Variants in MCTP2 observed in about 807,000 individuals in gnomAD.
The protein encoded by MCTP2 is multiple C2 and transmembrane domain containing 2, also known as multiple C2 and transmembrane domain-containing protein 2.
Under a neutral mutation model 111.6 loss-of-function variants are expected in MCTP2, and 132 were observed. That is an observed-to-expected ratio of 1.18 (90% CI 1.03 to 1.37). The LOEUF (loss-of-function observed/expected upper bound fraction) is 1.37. MCTP2 is among the 40% of genes most tolerant of loss of function. The pLI is 0.00. For missense variants in MCTP2, 1,183 were observed against 1,067.9 expected, an observed-to-expected ratio of 1.11 and a Z score of -1.50; for synonymous variants, 395 against 387.7, an observed-to-expected ratio of 1.02 and a Z score of -0.22.
intron 20 of MCTP2, among the ~76,000 whole-genome samples, chr15:94,467,880 A>G (rs960372036): frequency 9.0e-6 from 1 of 110,886 alleles, no homozygotes; most frequent in Non-Finnish European, 2.4e-5. Flanking sequence ...ATACAAATGT[A>G]GAAATTCAAA....
intron 14 of MCTP2, among the ~76,000 whole-genome samples, chr15:94,391,987 G>A (rs889439499): frequency 1.3e-5 from 2 of 152,112 alleles, no homozygotes; most frequent in African/African-American, 4.8e-5. Context: ...ACAAACGGAT[G>A]AACAAAAGTA....
intron 14 of MCTP2, among the ~76,000 whole-genome samples, chr15:94,392,092 C>G (rs1355602346): frequency 6.6e-6 from 1 of 152,146 alleles, no homozygotes; most frequent in African/African-American, 2.4e-5. Context: ...TATTATAAGG[C>G]CAGGCGCGGT....
At chr15:94,263,653 G>T (rs140407881) in intron 1 of MCTP2, among the ~76,000 whole-genome samples, 299 of 152,256 alleles carry the variant, frequency 2.0e-3, no homozygotes, top group African/African-American at 6.9e-3. Context: ...CCAACCAAAA[G>T]CACAAAGAGA....
chr15:94,291,864 A>G (rs1026583084), intron 1 of MCTP2, among the ~76,000 whole-genome samples: 2 of 152,212 alleles, frequency 1.3e-5, no homozygotes, highest in Admixed American at 6.5e-5. Context: ...TTTCTGGGCC[A>G]TATGGTATCT....
chr15:94,320,786 A>G (rs1425791872), intron 4 of MCTP2, among the ~76,000 whole-genome samples: 2 of 152,160 alleles, frequency 1.3e-5, no homozygotes, highest in Non-Finnish European at 2.9e-5. Flanking sequence ...GATTTAATGG[A>G]AGCTTTAATT....
Position 94,481,529 on chromosome 15 carries a change from T to C in MCTP2, c.*2495T>C, listed in dbSNP as rs1347024922. ...GTCACGGCCATGATGCCAGTTACAT[T>C]ATGCCTAGTTAATCTTCATTCAGAC... On this transcript the variant is annotated 3_prime_UTR_variant, in exon 23 of 23. Transcript: ENST00000357742. 6.6e-6 allele frequency: 1 copy of C among 152,348 alleles called. No homozygotes were observed. The highest frequency in any genetic ancestry group is 1.5e-5 in the Non-Finnish European group (1 of 68,122). The allele number at this position is 152,348 out of a possible 1,614,324, so 9.4% of individuals were successfully genotyped here. A position where few individuals can be genotyped will look rare whatever the true frequency, so the allele number is the denominator to read the frequency against.
rs541611215 is a variant in MCTP2 at position 94,449,319 on chromosome 15, A to G, written c.2250+6359A>G. Among the ~76,000 whole-genome samples, 251 of 152,364 alleles carry G rather than the reference A, an allele frequency of 1.6e-3. 1 individual carries two copies. The highest frequency in any genetic ancestry group is 5.8e-3 in the African/African-American group (242 of 41,588). On this transcript the variant is annotated intron_variant, in intron 19 of 22. Coordinates refer to ENST00000357742, the MANE Select transcript of MCTP2 (RefSeq NM_001385001.1). ...TACTCAAAACAAAATATTAAGTTTC[A>G]TAATATGTTCCCTTGTCTACAAATG...
chr15:94,298,469 C>G lies in MCTP2; in HGVS notation c.204C>G (p.Tyr68Ter), dbSNP rs762953743. 16 of 1,614,096 alleles carry G rather than the reference C, an allele frequency of 9.9e-6. No individual in the cohort carries two copies. The South Asian group carries it at 1.4e-4, about 14-fold the overall frequency. The change falls in exon 2 of 23, where the codon TAC becomes TAG. Residue 68 changes from tyrosine to a stop codon, truncating the protein, a stop_gained. Transcript: ENST00000357742. LOFTEE classifies it high-confidence loss of function. ...CCTTGGCCCCAGAGGGCCGGCCTTACTCCGGGCCACAGTCTTCCTACACCT... is the reference window on the plus strand; with the variant it reads ...CCTTGGCCCCAGAGGGCCGGCCTTAGTCCGGGCCACAGTCTTCCTACACCT... ...AEALAPEGRPYSGPQSSYTSV... is the reference protein window; with the variant it reads ...AEALAPEGRP
chr15:94,351,029 A>G (rs1187753280), intron 8 of MCTP2, among the ~76,000 whole-genome samples: 4 of 151,994 alleles, frequency 2.6e-5, no homozygotes, highest in South Asian at 4.1e-4. Context: ...TTGAGTGACA[A>G]TTTTATCTTA....
rs141616814 is a variant in MCTP2, at chr15:94,476,609, T to C, written c.2471-87T>C. Reference sequence around the variant, plus strand: ...GATAGATAGATGATTGACTGACAGATAGATAGATAGATAGATAGATAGATA... The same window carrying C: ...GATAGATAGATGATTGACTGACAGACAGATAGATAGATAGATAGATAGATA... On this transcript the variant is annotated intron_variant, in intron 21 of 22. Coordinates refer to ENST00000357742, the MANE Select transcript of MCTP2 (RefSeq NM_001385001.1). 7.0e-5 allele frequency: 12 copies of C among 171,884 alleles called. 1 individual carries two copies. The highest frequency in any genetic ancestry group is 1.1e-4 in the Non-Finnish European group (10 of 94,528). The allele number at this position is 171,884 out of a possible 1,614,324, so 10.6% of individuals were successfully genotyped here.
At chr15:94,272,405 T>A (rs962028925) in intron 1 of MCTP2, among the ~76,000 whole-genome samples, 2 of 152,088 alleles carry the variant, frequency 1.3e-5, no homozygotes, top group African/African-American at 2.4e-5. Context: ...TTAGCGTGAG[T>A]GTTGCGTCTG....
intron 14 of MCTP2, among the ~76,000 whole-genome samples, chr15:94,394,547 C>T (rs543851650): frequency 1.3e-5 from 2 of 152,048 alleles, no homozygotes; most frequent in Admixed American, 6.6e-5. Flanking sequence ...GGGTGGATCA[C>T]GAGGTCAGGA....
At chr15:94,337,384 G>T (rs749786778) in intron 4 of MCTP2, among the ~76,000 whole-genome samples, 21 of 152,106 alleles carry the variant, frequency 1.4e-4, no homozygotes, top group Non-Finnish European at 2.1e-4. Context: ...CACCACTGAG[G>T]CCTAGTTTTG....
rs150038543 is a variant in MCTP2 at position 94,314,683 on chromosome 15, A to G, written c.528+339A>G. ...ACAGGATCGATTAATTGAATGTCCAATAAGTGAATGATAAATGATTTTATT... is the reference window on the plus strand; with the variant it reads ...ACAGGATCGATTAATTGAATGTCCAGTAAGTGAATGATAAATGATTTTATT... On this transcript the variant is annotated intron_variant, in intron 3 of 22. Transcript: ENST00000357742. 3,298 of 500,588 alleles carry G rather than the reference A, an allele frequency of 6.6e-3. 22 individuals carry two copies. The highest frequency in any genetic ancestry group is 8.6e-3 in the Non-Finnish European group (2,227 of 258,938). The allele number at this position is 500,588 out of a possible 1,614,324, so 31.0% of individuals were successfully genotyped here.
intron 1 of MCTP2, among the ~76,000 whole-genome samples, chr15:94,290,379 T>G (rs2074978510): frequency 6.6e-6 from 1 of 152,178 alleles, no homozygotes; most frequent in Non-Finnish European, 1.5e-5. Context: ...TAACTATACA[T>G]ACCGTAACCC....
chr15:94,283,615 C>T (rs972610432), intron 1 of MCTP2, among the ~76,000 whole-genome samples: 2 of 152,176 alleles, frequency 1.3e-5, no homozygotes, highest in Non-Finnish European at 2.9e-5. Flanking sequence ...TACTGCTTGG[C>T]AACCCCATGT....
In MCTP2 at chr15:94,479,548, A is replaced by G. The variant is rs2074622477; in HGVS notation, c.*514A>G. 6.5e-6 allele frequency: 1 copy of G among 153,714 alleles called. No homozygotes were observed. The highest frequency in any genetic ancestry group is 2.0e-4 in the South Asian group (1 of 4,914). The allele number at this position is 153,714 out of a possible 1,614,324, so 9.5% of individuals were successfully genotyped here. ...CAAATATTGTATATTATTAAAAGGC[A>G]TTTTTAATAATTACCAGAATTAGCT... On this transcript the variant is annotated 3_prime_UTR_variant, in exon 23 of 23. Coordinates refer to ENST00000357742, the MANE Select transcript of MCTP2 (RefSeq NM_001385001.1).
chr15:94,251,917 G>T (rs12101454), intron 1 of MCTP2, among the ~76,000 whole-genome samples: 77,919 of 151,978 alleles, frequency 0.51, 20,220 homozygotes, highest in Middle Eastern at 0.6. Flanking sequence ...CTTATTTCCC[G>T]TAGCATAATG....
chr15:94,342,777 C>T (rs2077726471), intron 7 of MCTP2: 1 of 150,608 alleles, frequency 6.6e-6, no homozygotes, highest in Non-Finnish European at 1.5e-5. Context: ...TATATATACA[C>T]ACACATACAT....
Sources: allele counts gnomAD v4.1 joint callset (sites outside exome capture counted in the v4.1 genomes callset), GRCh38; gene constraint gnomAD v4.1.1; transcripts MANE v1.5; gene names NCBI Gene and HGNC (gene_info 2026-07-23, HGNC 2026-07-21).